Variants in TMEM212 observed in about 807,000 individuals in gnomAD.
The protein encoded by TMEM212 is transmembrane protein 212.
In TMEM212, 23 loss-of-function variants were observed where a neutral mutation model predicts 20.5. That is an observed-to-expected ratio of 1.12 (90% confidence interval 0.81 to 1.59). The LOEUF (loss-of-function observed/expected upper bound fraction) is 1.59, where lower values mean the gene tolerates loss of function less well. TMEM212 is among the 40% of genes most tolerant of loss of function. The pLI is 0.00. For missense variants in TMEM212, 211 were observed against 215.0 expected (o/e 0.98, Z 0.12); for synonymous variants, 76 against 81.6 (o/e 0.93, Z 0.37).
chr3:171,851,046 A>T, intron 1 of TMEM212, among the ~76,000 whole-genome samples: 1 of 152,216 alleles, frequency 6.6e-6, no homozygotes, highest in East Asian at 1.9e-4. Context: ...GATTGTGTAC[A>T]TACAGTCATG....
intron 2 of TMEM212, 106 bp from the exon 3 acceptor site, chr3:171,853,421 T>C (rs1725034900): frequency 3.4e-6 from 3 of 892,364 alleles, no homozygotes; most frequent in African/African-American, 3.4e-5. Context: ...CATTTTCCAA[T>C]AGGAGAGATT....
intron 1 of TMEM212, among the ~76,000 whole-genome samples, chr3:171,845,312 G>T (rs973308567): frequency 3.9e-5 from 6 of 152,140 alleles, no homozygotes; most frequent in African/African-American, 1.4e-4. Flanking sequence ...TACATGTATA[G>T]TAGATGTTTA....
intron 2 of TMEM212, 71 bp downstream of exon 2, chr3:171,852,112 G>T: frequency 8.5e-7 from 1 of 1,183,192 alleles, no homozygotes; most frequent in South Asian, 1.3e-5. Flanking sequence ...GTTCAGGATG[G>T]AACATAAAAA....
intron 1 of TMEM212, 85 bp downstream of exon 1, chr3:171,843,627 T>C: frequency 2.5e-6 from 3 of 1,223,318 alleles, no homozygotes; most frequent in Non-Finnish European, 3.3e-6. Flanking sequence ...TCCTTTTAAA[T>C]TGTTCTAACA....
intron 1 of TMEM212, among the ~76,000 whole-genome samples, chr3:171,846,037 C>T (rs58233052): frequency 0.017 from 2,602 of 152,266 alleles, 76 homozygotes; most frequent in African/African-American, 0.059. Context: ...CCTACTCCCT[C>T]GTAACCTGCT....
In TMEM212 at chr3:171,853,831, T is replaced by C. The variant is rs1215718787; in HGVS notation, c.524T>C (p.Ile175Thr). 1 of 1,536,130 alleles carries C rather than the reference T, an allele frequency of 6.5e-7. No homozygotes were observed. The highest frequency in any genetic ancestry group is 1.4e-5 in the African/African-American group (1 of 72,914). ...TVFIKLSARL[I>T]QNGHINMQLP... is the part of the protein sequence containing the mutation. ...TTCATCAAACTTTCTGCAAGACTTA[T>C]CCAGAATGGACACATAAACGTAAGT... The change falls in exon 3 of 5, where the codon ATC becomes ACC. Residue 175 changes from isoleucine to threonine, a missense_variant. Coordinates refer to ENST00000334567, the MANE Select transcript of TMEM212 (RefSeq NM_001164436.2).
intron 1 of TMEM212, among the ~76,000 whole-genome samples, chr3:171,850,600 G>A (rs116074956): frequency 2.6e-5 from 4 of 152,162 alleles, no homozygotes; most frequent in Non-Finnish European, 4.4e-5. Flanking sequence ...AGCACAGAAA[G>A]CCCCAGGCTT....
At position 171,859,174 on chromosome 3, in the gene TMEM212, TA is replaced by T. The variant is rs1163501729; in HGVS notation, c.*1118del. 6.6e-6 allele frequency: 1 copy of T among 151,924 alleles called. No individual in the cohort carries two copies. Among genetic ancestry groups the T allele is most frequent in the African/African-American group, 2.4e-5 (1 of 41,330 alleles). 9.4% of individuals were successfully genotyped at this position (151,924 alleles called of 1,614,324 possible). On this transcript the variant is annotated 3_prime_UTR_variant, in exon 5 of 5. Transcript: ENST00000334567. ...AGTGGGTGGGAGGCTGGGGGAGGGATAGCATTAGGAGAAATTCCTAATGTAG... is the reference window on the plus strand; with the variant it reads ...AGTGGGTGGGAGGCTGGGGGAGGGATGCATTAGGAGAAATTCCTAATGTAG...
chr3:171,857,986 A>T (rs1395799547), intron 4 of TMEM212, 75 bp from the exon 5 acceptor site: 1 of 151,966 alleles, frequency 6.6e-6, no homozygotes, highest in African/African-American at 2.4e-5. Context: ...AACAGCATGG[A>T]GGTACTGCCC....
At chr3:171,844,143 C>T (rs1042756317) in intron 1 of TMEM212, among the ~76,000 whole-genome samples, 15 of 152,106 alleles carry the variant, frequency 9.9e-5, no homozygotes, top group Admixed American at 9.2e-4. Context: ...CCAAGTACAG[C>T]GTACGACACT....
At chr3:171,855,342 GT>G (rs1725089444) in intron 3 of TMEM212, among the ~76,000 whole-genome samples, 1 of 152,100 alleles carries the variant, frequency 6.6e-6, no homozygotes, top group Non-Finnish European at 1.5e-5. Flanking sequence ...GCTGGGCATG[GT>G]AGCTCATACC....
chr3:171,856,690 C>T lies in TMEM212; in HGVS notation c.571C>T (p.Pro191Ser), dbSNP rs1476291683. 7.3e-6 allele frequency: 5 copies of T among 687,184 alleles called. No homozygotes were observed. The highest frequency in any genetic ancestry group is 1.1e-5 in the Non-Finnish European group (4 of 375,878). 42.6% of individuals were successfully genotyped at this position (687,184 alleles called of 1,614,324 possible). A position where few individuals can be genotyped will look rare whatever the true frequency, so the allele number is the denominator to read the frequency against. Reference sequence around the variant, plus strand: ...GCAACTCCCTGCTGGGAACCCAAACCCTTTTTCACCATAAAAGGTAAAATG... The same window carrying T: ...GCAACTCCCTGCTGGGAACCCAAACTCTTTTTCACCATAAAAGGTAAAATG... Reference protein sequence around the residue: ...NMQLPAGNPNPFSP With the variant: ...NMQLPAGNPNSFSP The change falls in exon 4 of 5, where the codon CCT (proline) becomes TCT (serine). Residue 191 changes from proline (P) to serine (S), a missense_variant. By Grantham distance (74) the Pro-to-Ser change is moderately conservative (BLOSUM62 -1). Transcript: ENST00000334567.
At chr3:171,855,453 A>C (rs1342863669) in intron 3 of TMEM212, among the ~76,000 whole-genome samples, 1 of 152,130 alleles carries the variant, frequency 6.6e-6, no homozygotes, top group Admixed American at 6.6e-5. Flanking sequence ...TCTCTACTAA[A>C]AATACACAAA....
chr3:171,843,499 G>A lies in TMEM212; in HGVS notation c.116G>A (p.Gly39Glu). 1.3e-6 allele frequency: 2 copies of A among 1,537,024 alleles called. No individual in the cohort carries two copies. Among genetic ancestry groups the A allele is most frequent in the Non-Finnish European group, 1.7e-6 (2 of 1,146,788 alleles). The change falls in exon 1 of 5, where the codon GGA becomes GAA. Residue 39 changes from glycine to glutamate, a missense_variant. Transcript: ENST00000334567. ...TTTTCTTACAAGCCTTGGTTCACAG[G>A]ATGGAGTGTTCGAATTGCTTGTCCT... is the stretch of plus-strand genomic sequence containing the variant. Reference protein sequence around the residue: ...PVFSYKPWFTGWSVRIACPIW... With the variant: ...PVFSYKPWFTEWSVRIACPIW...
At chr3:171,851,673 G>T (rs1724979140) in intron 1 of TMEM212, among the ~76,000 whole-genome samples, 1 of 152,178 alleles carries the variant, frequency 6.6e-6, no homozygotes, top group Admixed American at 6.5e-5. Flanking sequence ...TATGGCAAGG[G>T]TTATAAAGCC....
At chr3:171,845,254 C>G (rs1724805663) in intron 1 of TMEM212, among the ~76,000 whole-genome samples, 1 of 152,112 alleles carries the variant, frequency 6.6e-6, no homozygotes, top group Admixed American at 6.6e-5. Context: ...ATAAATACAT[C>G]TACATTCTTC....
At chr3:171,848,519 A>AAATCAATCTATTGAGTAGCTAGCAGT (rs1724888336) in intron 1 of TMEM212, among the ~76,000 whole-genome samples, 1 of 132,514 alleles carries the variant, frequency 7.5e-6, no homozygotes, top group Non-Finnish European at 1.6e-5. Context: ...GTGAATTATA[A>AAATCAATCTATTGAGTAGCTAGCAGT]AATCAATCTA....
intron 1 of TMEM212, among the ~76,000 whole-genome samples, chr3:171,848,584 G>A (rs1395537528): frequency 6.6e-6 from 1 of 150,806 alleles, no homozygotes; most frequent in Non-Finnish European, 1.5e-5. Context: ...GAATAGGATA[G>A]AATAGAATAG....
Position 171,843,445 on chromosome 3 carries a change from G to A in TMEM212, c.62G>A (p.Cys21Tyr). ...ILVTLGILSVCSGVIAFFPVF... is the reference protein window; with the variant it reads ...ILVTLGILSVYSGVIAFFPVF... ...GTTACTCTGGGGATCCTCAGTGTAT[G>A]CTCTGGAGTTATTGCTTTCTTTCCT... Residue 21 changes from cysteine (C) to tyrosine (Y), a missense_variant, in exon 1 of 5, where the codon TGC (cysteine) becomes TAC (tyrosine). Coordinates refer to ENST00000334567, the MANE Select transcript of TMEM212 (RefSeq NM_001164436.2). 1.3e-6 allele frequency: 2 copies of A among 1,537,102 alleles called. No individual in the cohort carries two copies. The highest frequency in any genetic ancestry group is 1.4e-5 in the African/African-American group (1 of 73,150).
Sources: gnomAD v4.1 joint callset for allele counts (sites outside exome capture counted in the v4.1 genomes callset) on GRCh38, gnomAD v4.1.1 for gene constraint, MANE v1.5 for transcripts, NCBI Gene and HGNC (gene_info 2026-07-23, HGNC 2026-07-21) for gene names.